The following ROBO3 variants were observed in gnomAD, a reference collection of about 807,000 sequenced individuals.
ROBO3 encodes roundabout homolog 3.
A neutral mutation model predicts 160.5 loss-of-function variants in ROBO3; 97 were observed. The observed-to-expected ratio is 0.60, with a 90% confidence interval of 0.51 to 0.72. The LOEUF is 0.72. ROBO3 is among the 30% of genes least tolerant of loss of function. The probability of loss-of-function intolerance (pLI) is 0.00; values close to 1 mark genes in which losing one functional copy is unlikely to be tolerated. For synonymous variants in ROBO3, 780 were observed against 746.2 expected (o/e 1.05, Z -0.74); for missense variants, 1,858 against 1,846.5 (o/e 1.01, Z -0.11).
intron 23 of ROBO3, 75 bp from the exon 24 acceptor site, chr11:124,879,115 A>G: frequency 6.8e-7 from 1 of 1,474,260 alleles, no homozygotes; most frequent in Admixed American, 2.1e-5. Context: ...TTGATTGTCT[A>G]GCACAGTGCC....
At position 124,876,006 on chromosome 11, in the gene ROBO3, G is replaced by C. The variant is rs746160999; in HGVS notation, c.2474G>C (p.Gly825Ala). ...SRFHLNRSAA[G>A]WARSAMLRGL... ...TTTCACCTCAATCGATCTGCAGCAGGCTGGGCACGCTCCGCAATGCTCCGA... is the reference window on the plus strand; with the variant it reads ...TTTCACCTCAATCGATCTGCAGCAGCCTGGGCACGCTCCGCAATGCTCCGA... The change falls in exon 16 of 28, where the codon GGC becomes GCC. Residue 825 changes from glycine (G) to alanine (A), a missense_variant. Gly to Ala is a moderately conservative substitution (Grantham distance 60). Transcript: ENST00000397801. This position sits in a 1 kb window ranked among gnomAD's most constrained non-coding sequence, Gnocchi z 5.3. 3 of 1,601,030 alleles carry C rather than the reference G, an allele frequency of 1.9e-6. No individual in the cohort carries two copies. The highest frequency in any genetic ancestry group is 4.5e-5 in the East Asian group (2 of 44,286).
chr11:124,872,907 G>A lies in ROBO3; in HGVS notation c.1354G>A (p.Val452Ile), dbSNP rs756423155. The change falls in exon 9 of 28, where the codon GTC becomes ATC. Residue 452 changes from valine (V) to isoleucine (I), a missense_variant. Physicochemically the swap from Val to Ile is conservative, Grantham distance 29 (BLOSUM62 3). Transcript: ENST00000397801. The surrounding 1 kb of genome is among the most constrained non-coding windows in gnomAD (Gnocchi z 4.3). ...AGCCTCTTTGGATGGGCTGCCTCCT[G>A]TCATCCTCCAGGGACCAGCCAATCA... Reference protein sequence around the residue: ...KGASLDGLPPVILQGPANQTL... With the variant: ...KGASLDGLPPIILQGPANQTL... The A allele has an allele frequency of 3.1e-6, 5 of 1,609,368 alleles. No individual in the cohort carries two copies. In the East Asian group the frequency reaches 1.1e-4, roughly 36 times the overall value.
In ROBO3 at chr11:124,873,192, T is replaced by A. The variant is rs973634220; in HGVS notation, c.1536+103T>A. 289 of 1,417,180 alleles carry A rather than the reference T, an allele frequency of 2.0e-4. No homozygotes were observed. The African/African-American group carries it at 3.5e-3, about 17-fold the overall frequency. The allele number at this position is 1,417,180 out of a possible 1,614,324, so 87.8% of individuals were successfully genotyped here. On this transcript the variant is annotated intron_variant, in intron 9 of 27. Coordinates refer to ENST00000397801, the MANE Select transcript of ROBO3 (RefSeq NM_022370.4). This position sits in a 1 kb window ranked among gnomAD's most constrained non-coding sequence, Gnocchi z 4.5. ...GGGCCTGTAGCCCCATCTTTACCCC[T>A]CTGTTCTCTCAGAGCACCTAGTATC...
chr11:124,874,138 G>T lies in ROBO3; in HGVS notation c.1853G>T (p.Gly618Val), dbSNP rs766256062. The part of the protein sequence containing the change: ...GVQLETHTVS[G>V]LQPNTIYLFL... ...CAGCTGGAGACACACACAGTCAGCG[G>T]TCTGCAGCCCAATACCATCTACCTG... The change falls in exon 12 of 28, where the codon GGT becomes GTT. Residue 618 changes from glycine (G) to valine (V), a missense_variant. Physicochemically the swap from Gly to Val is moderately radical, Grantham distance 109. Transcript: ENST00000397801. The T allele has an allele frequency of 1.7e-5, 27 of 1,613,886 alleles. No individual in the cohort carries two copies. In the Middle Eastern group the frequency reaches 1.6e-3, roughly 98 times the overall value.
intron 1 of ROBO3, chr11:124,868,385 G>A (rs1471609765): frequency 2.8e-5 from 13 of 461,958 alleles, no homozygotes; most frequent in Non-Finnish European, 5.1e-5. Context: ...ACGGTTTATG[G>A]TCTTTCACTG....
chr11:124,877,597 C>T lies in ROBO3; in HGVS notation c.2925C>T (p.Ala975=). ...SWPHPSRSPS[A]QEPRGSCCPS... ...CCCACCCATCTCGAAGCCCCTCGGC[C>T]CAGGAACCCAGGGGAAGCTGCTGCC... Residue 975 remains alanine, a synonymous_variant, in exon 20 of 28, where the codon GCC becomes GCT. Coordinates refer to ENST00000397801, the MANE Select transcript of ROBO3 (RefSeq NM_022370.4). 6.2e-7 allele frequency: 1 copy of T among 1,608,436 alleles called. No homozygotes were observed. The highest frequency in any genetic ancestry group is 8.5e-7 in the Non-Finnish European group (1 of 1,177,628).
In ROBO3 at chr11:124,869,430, C is replaced by CCA; in HGVS notation, c.488-19_488-18insAC. The CCA allele has an allele frequency of 8.1e-7, 1 of 1,229,902 alleles. No homozygotes were observed. The highest frequency in any genetic ancestry group is 1.1e-6 in the Non-Finnish European group (1 of 899,156). The allele number at this position is 1,229,902 out of a possible 1,614,324, so 76.2% of individuals were successfully genotyped here. ...GTCACTCTACACCCTGCTTATTTCG[C>CCA]CCCCCACCGCCCCGCCCAGTCCTCC... On this transcript the variant is annotated intron_variant, in intron 2 of 27. Coordinates refer to ENST00000397801, the MANE Select transcript of ROBO3 (RefSeq NM_022370.4). This position sits in a 1 kb window ranked among gnomAD's most constrained non-coding sequence, Gnocchi z 4.2.
At position 124,878,665 on chromosome 11, in the gene ROBO3, C is replaced by T. The variant is rs1946470474; in HGVS notation, c.3402C>T (p.Val1134=). The change falls in exon 23 of 28, where the codon GTC becomes GTT. Residue 1134 remains valine (V), a synonymous_variant. Coordinates refer to ENST00000397801, the MANE Select transcript of ROBO3 (RefSeq NM_022370.4). The surrounding 1 kb of genome is among the most constrained non-coding windows in gnomAD (Gnocchi z 4.3). ...TEPSSSGGCL[V]TPSRRETPSP... The stretch of plus-strand genomic sequence containing the variant: ...CCAGCTCCAGTGGAGGGTGCCTGGT[C>T]ACCCCATCCCGAAGGGAAACCCCCT... 11 of 1,613,520 alleles carry T rather than the reference C, an allele frequency of 6.8e-6. No individual in the cohort carries two copies. Among genetic ancestry groups the T allele is most frequent in the East Asian group, 2.2e-5 (1 of 44,860 alleles).
intron 1 of ROBO3, among the ~76,000 whole-genome samples, chr11:124,867,930 G>A (rs1946222874): frequency 6.6e-6 from 1 of 152,190 alleles, no homozygotes; most frequent in South Asian, 2.1e-4. Context: ...GGGGCTGAGA[G>A]TGCCGGAGTA....
intron 1 of ROBO3, among the ~76,000 whole-genome samples, chr11:124,866,713 G>T (rs1041708172): frequency 5.3e-5 from 8 of 152,286 alleles, no homozygotes; most frequent in African/African-American, 1.9e-4. Flanking sequence ...GGCTGCAGTC[G>T]AAGCATCTCC....
chr11:124,870,176 T>A lies in ROBO3; in HGVS notation c.778T>A (p.Phe260Ile), dbSNP rs2135326460. 6.2e-7 allele frequency: 1 copy of A among 1,614,048 alleles called. No homozygotes were observed. The highest frequency in any genetic ancestry group is 8.5e-7 in the Non-Finnish European group (1 of 1,179,888). Residue 260 changes from phenylalanine (F) to isoleucine (I), a missense_variant, in exon 5 of 28, where the codon TTC becomes ATC. Phe to Ile is a conservative substitution (Grantham distance 21). Coordinates refer to ENST00000397801, the MANE Select transcript of ROBO3 (RefSeq NM_022370.4). ...AEVMVLERPS[F>I]LRRPVNQVVL... ...CTACCACTCCATAGAGCGTCCCTCATTCCTGCGCAGACCAGTGAATCAGGT... is the reference window on the plus strand; with the variant it reads ...CTACCACTCCATAGAGCGTCCCTCAATCCTGCGCAGACCAGTGAATCAGGT...
Position 124,865,685 on chromosome 11 carries a change from G to T in ROBO3, c.108G>T (p.Ser36=). Reference sequence around the variant, plus strand: ...AGCTGCTCTTGGGCTTCAACTCCTCGCTGGCGGCGCTCAACCACACCCTGC... The same window carrying T: ...AGCTGCTCTTGGGCTTCAACTCCTCTCTGGCGGCGCTCAACCACACCCTGC... The part of the protein sequence containing the change: ...SSELLLGFNS[S]LAALNHTLLP... The change falls in exon 1 of 28, where the codon TCG becomes TCT. Residue 36 remains serine (S), a synonymous_variant. Transcript: ENST00000397801. This position sits in a 1 kb window ranked among gnomAD's most constrained non-coding sequence, Gnocchi z 5.5. The T allele has an allele frequency of 6.2e-7, 1 of 1,611,774 alleles. No homozygotes were observed. The highest frequency in any genetic ancestry group is 8.5e-7 in the Non-Finnish European group (1 of 1,179,262).
In ROBO3 at chr11:124,870,934, A is replaced by G. The variant is rs1591510348; in HGVS notation, c.1034-80A>G. On this transcript the variant is annotated intron_variant, in intron 6 of 27. Coordinates refer to ENST00000397801, the MANE Select transcript of ROBO3 (RefSeq NM_022370.4). ...CTCCTGTACACTTGAGCTAAGCTGG[A>G]GCTTCTCTCTCCTGTTCCTGCAGTC... 1.9e-6 allele frequency: 3 copies of G among 1,561,610 alleles called. No homozygotes were observed. The East Asian group carries it at 6.8e-5, about 35-fold the overall frequency.
At chr11:124,868,659 G>A (rs961079333) in intron 1 of ROBO3, 143 bp from the exon 2 acceptor site, 28 of 843,862 alleles carry the variant, frequency 3.3e-5, no homozygotes, top group Non-Finnish European at 5.5e-5. Context: ...ATCCTGCAGA[G>A]GGAGAGGGTA....
intron 5 of ROBO3, 99 bp downstream of exon 5, chr11:124,870,402 C>T (rs887113861): frequency 6.7e-7 from 1 of 1,501,772 alleles, no homozygotes; most frequent in Non-Finnish European, 9.0e-7. Flanking sequence ...CTTGAGAACA[C>T]AGAGAAGTCT....
Position 124,869,044 on chromosome 11 carries a change from CGG to C in ROBO3, c.404_405del (p.Arg135ProfsTer31). On this transcript the variant is annotated frameshift_variant, in exon 2 of 28. Transcript: ENST00000397801. LOFTEE classifies it high-confidence loss of function. The surrounding 1 kb of genome is among the most constrained non-coding windows in gnomAD (Gnocchi z 4.2). The part of the protein sequence containing the change: ...FPRIVHGRRA[R>X]PDEGVYTCVA... ...GCGCATCGTGCACGGGCGCCGCGCG[CGG>C]CCGGACGAAGGTGTCTACACTTGCG... is the stretch of plus-strand genomic sequence containing the variant. The C allele has an allele frequency of 3.1e-6, 5 of 1,602,696 alleles. No individual in the cohort carries two copies. Among genetic ancestry groups the C allele is most frequent in the Non-Finnish European group, 4.3e-6 (5 of 1,175,186 alleles).
In ROBO3 at chr11:124,876,057, G is replaced by T. The variant is rs1162919377; in HGVS notation, c.2525G>T (p.Arg842Leu). Residue 842 changes from arginine (R) to leucine (L), a missense_variant, in exon 16 of 28, where the codon CGA (arginine) becomes CTA (leucine). Transcript: ENST00000397801. This position sits in a 1 kb window ranked among gnomAD's most constrained non-coding sequence, Gnocchi z 5.3. The stretch of plus-strand genomic sequence containing the variant: ...GGACTGGTGCCCGGTCTCCTCTATC[G>T]AACCCTGGTCGCGGCGGCCACCAGC... ...LRGLVPGLLY[R>L]TLVAAATSAG... 6.2e-7 allele frequency: 1 copy of T among 1,609,932 alleles called. No individual in the cohort carries two copies.
chr11:124,865,725 C>T lies in ROBO3; in HGVS notation c.148C>T (p.Pro50Ser). 6.8e-6 allele frequency: 11 copies of T among 1,608,760 alleles called. No individual in the cohort carries two copies. The highest frequency in any genetic ancestry group is 9.3e-6 in the Non-Finnish European group (11 of 1,178,390). Reference sequence around the variant, plus strand: ...CCACACCCTGCTGCCTCCCGGCGATCCCTCTCTCAACGGTGAGACCCTGCC... The same window carrying T: ...CCACACCCTGCTGCCTCCCGGCGATTCCTCTCTCAACGGTGAGACCCTGCC... Reference protein sequence around the residue: ...LNHTLLPPGDPSLNGSRVGPE... With the variant: ...LNHTLLPPGDSSLNGSRVGPE... The change falls in exon 1 of 28, where the codon CCC becomes TCC. Residue 50 changes from proline to serine, a missense_variant. Transcript: ENST00000397801. The surrounding 1 kb of genome is among the most constrained non-coding windows in gnomAD (Gnocchi z 5.5).
In ROBO3 at chr11:124,872,612, T is replaced by C; in HGVS notation, c.1330+60T>C. The stretch of plus-strand genomic sequence containing the variant: ...CTTGGGAGGAAATAATGGCCTAAAG[T>C]GATGTGTTTCTCTTGGAGTCTATAT... On this transcript the variant is annotated intron_variant, in intron 8 of 27. Coordinates refer to ENST00000397801, the MANE Select transcript of ROBO3 (RefSeq NM_022370.4). This position sits in a 1 kb window ranked among gnomAD's most constrained non-coding sequence, Gnocchi z 4.3. 1 of 1,507,750 alleles carries C rather than the reference T, an allele frequency of 6.6e-7. No individual in the cohort carries two copies. Among genetic ancestry groups the C allele is most frequent in the Non-Finnish European group, 9.1e-7 (1 of 1,100,208 alleles). 93.4% of individuals were successfully genotyped at this position (1,507,750 alleles called of 1,614,324 possible).
Sources: allele counts gnomAD v4.1 joint callset (sites outside exome capture counted in the v4.1 genomes callset), GRCh38; gene constraint gnomAD v4.1.1; non-coding constraint Gnocchi (gnomAD v3.1); transcripts MANE v1.5; gene names NCBI Gene and HGNC (gene_info 2026-07-23, HGNC 2026-07-21).